The following USP32 variants were observed in gnomAD, a reference collection of about 807,000 sequenced individuals.
USP32 encodes ubiquitin carboxyl-terminal hydrolase 32.
A neutral mutation model predicts 204.8 loss-of-function variants in USP32; 59 were observed. The ratio of observed to expected loss-of-function variants is 0.29; its 90% CI spans 0.23 to 0.36. The LOEUF is 0.36. Among genes scored for constraint, USP32 ranks in the 10% least tolerant of loss-of-function variants. USP32 has a pLI of 1.00. For missense variants in USP32, 1,160 were observed against 1,946.4 expected, an observed-to-expected ratio of 0.60 and a Z score of 7.60; for synonymous variants, 517 against 678.4, an observed-to-expected ratio of 0.76 and a Z score of 3.70.
In USP32 at chr17:60,255,261, G is replaced by A. The variant is rs764061163; in HGVS notation, c.991-3C>T. ...TCTTCCAGAGTAAGATGACCCATCT[G>A]AAACAGAGACACTCATGTTAGGAAC... On this transcript the variant is annotated splice_region_variant and splice_polypyrimidine_tract_variant and intron_variant, in intron 9 of 33. Coordinates refer to ENST00000300896, the MANE Select transcript of USP32 (RefSeq NM_032582.4). 1.3e-6 allele frequency: 2 copies of A among 1,563,330 alleles called. No homozygotes were observed. The highest frequency in any genetic ancestry group is 2.8e-5 in the African/African-American group (2 of 72,348).
chr17:60,191,446 T>G (rs1020680890), intron 28 of USP32, among the ~76,000 whole-genome samples: 149 of 96,504 alleles, frequency 1.5e-3, no homozygotes, highest in Admixed American at 3.7e-3. Flanking sequence ...GTTGCAGAGG[T>G]GGGGTGGGAG....
intron 16 of USP32, among the ~76,000 whole-genome samples, chr17:60,218,385 A>AAAAAAAT (rs1019963070): frequency 1.3e-5 from 2 of 152,104 alleles, no homozygotes; most frequent in African/African-American, 2.4e-5. Flanking sequence ...CTCCATCTCG[A>AAAAAAAT]AAAAAATAAA....
intron 7 of USP32, among the ~76,000 whole-genome samples, chr17:60,268,279 A>G (rs1052043354): frequency 1.3e-5 from 2 of 152,124 alleles, no homozygotes; most frequent in African/African-American, 4.8e-5. Context: ...ACTTTAATGG[A>G]AATGCAGAGC....
chr17:60,354,073 AT>A (rs1462995436), intron 1 of USP32, among the ~76,000 whole-genome samples: 1 of 152,184 alleles, frequency 6.6e-6, no homozygotes. Context: ...AATTAAATCC[AT>A]TTTTGTAAAG....
chr17:60,285,719 C>G (rs544187656), intron 5 of USP32, among the ~76,000 whole-genome samples: 4 of 152,060 alleles, frequency 2.6e-5, no homozygotes, highest in Non-Finnish European at 5.9e-5. Context: ...GAGATAATTT[C>G]TGATAAGAAG....
intron 11 of USP32, among the ~76,000 whole-genome samples, chr17:60,242,881 A>G (rs768956006): frequency 6.6e-6 from 1 of 152,228 alleles, no homozygotes; most frequent in Admixed American, 6.5e-5. Flanking sequence ...GCATTTCCCT[A>G]TACAATTTAG....
intron 22 of USP32, 110 bp from the exon 23 acceptor site, chr17:60,208,938 A>G: frequency 9.1e-7 from 1 of 1,093,774 alleles, no homozygotes; most frequent in South Asian, 2.1e-5. Flanking sequence ...AAAGAATATA[A>G]TCCTTACTCT....
intron 1 of USP32, among the ~76,000 whole-genome samples, chr17:60,386,686 A>C (rs972693874): frequency 3.3e-5 from 5 of 152,204 alleles, no homozygotes; most frequent in African/African-American, 1.2e-4. Context: ...GAGACAATGA[A>C]CAAGGAAAAA....
chr17:60,333,216 C>T (rs1019258514), intron 2 of USP32, among the ~76,000 whole-genome samples: 3 of 152,168 alleles, frequency 2.0e-5, no homozygotes, highest in African/African-American at 7.2e-5. Flanking sequence ...ACAAGCCTTA[C>T]CAAAAACATA....
chr17:60,282,939 C>A (rs1393602732), intron 5 of USP32, among the ~76,000 whole-genome samples: 1 of 152,098 alleles, frequency 6.6e-6, no homozygotes, highest in Non-Finnish European at 1.5e-5. Context: ...AGCCATATTC[C>A]CAAGGGGCTT....
chr17:60,411,101 G>A (rs965736063), intron 1 of USP32, among the ~76,000 whole-genome samples: 1 of 152,086 alleles, frequency 6.6e-6, no homozygotes, highest in African/African-American at 2.4e-5. Flanking sequence ...GGCCGAGGCA[G>A]GCGGATCACC....
rs116948275 is a variant in USP32 at position 60,392,127 on chromosome 17, G to A, written c.-188C>T. On this transcript the variant is annotated 5_prime_UTR_variant, in exon 1 of 34. Transcript: ENST00000300896. Reference sequence around the variant, plus strand: ...GGTCGCCGCCACCGCCTCCATGCCGGATCACGTGACTCTTCCGCCCCGCCC... The same window carrying A: ...GGTCGCCGCCACCGCCTCCATGCCGAATCACGTGACTCTTCCGCCCCGCCC... 0.039 allele frequency: 22,351 copies of A among 577,938 alleles called. 592 individuals carry two copies. Among genetic ancestry groups the A allele is most frequent in the Non-Finnish European group, 0.051 (17,087 of 333,638 alleles). 35.8% of individuals were successfully genotyped at this position (577,938 alleles called of 1,614,324 possible).
chr17:60,326,546 A>C (rs1323945530), intron 2 of USP32, among the ~76,000 whole-genome samples: 1 of 152,002 alleles, frequency 6.6e-6, no homozygotes, highest in Non-Finnish European at 1.5e-5. Context: ...TGATCCACCC[A>C]CCTTGGCCTC....
chr17:60,206,114 C>T (rs1332582188), intron 25 of USP32, among the ~76,000 whole-genome samples: 1 of 150,480 alleles, frequency 6.6e-6, no homozygotes, highest in Non-Finnish European at 1.5e-5. Context: ...AACCCAGGAG[C>T]TAGTGACCAG....
At chr17:60,255,461 C>T (rs1347830422) in intron 9 of USP32, among the ~76,000 whole-genome samples, 1 of 151,978 alleles carries the variant, frequency 6.6e-6, no homozygotes, top group African/African-American at 2.4e-5. Flanking sequence ...CCATGCCTGG[C>T]TAAGTTTTTG....
intron 5 of USP32, among the ~76,000 whole-genome samples, chr17:60,280,548 T>C (rs1191361996): frequency 6.6e-6 from 1 of 152,244 alleles, no homozygotes; most frequent in African/African-American, 2.4e-5. Context: ...TATTTGTGTA[T>C]GAAAAAGTAA....
At chr17:60,222,283 G>C in intron 15 of USP32, 126 bp downstream of exon 15, 1 of 1,100,736 alleles carries the variant, frequency 9.1e-7, no homozygotes, top group South Asian at 1.7e-5. Context: ...ATCCACACAG[G>C]TTCAGAACAC....
intron 2 of USP32, among the ~76,000 whole-genome samples, chr17:60,313,425 A>C (rs530614820): frequency 4.6e-5 from 7 of 152,176 alleles, no homozygotes; most frequent in Admixed American, 2.0e-4. Flanking sequence ...TCATAATACT[A>C]ACCATGTCTT....
intron 2 of USP32, among the ~76,000 whole-genome samples, chr17:60,329,278 G>T (rs867526171): frequency 0.017 from 2,547 of 147,692 alleles, 75 homozygotes; most frequent in African/African-American, 0.058. Flanking sequence ...GTGTGTGTGT[G>T]TTTTTTTTTT....
Sources: gnomAD v4.1 joint callset for allele counts (sites outside exome capture counted in the v4.1 genomes callset) on GRCh38, gnomAD v4.1.1 for gene constraint, MANE v1.5 for transcripts, NCBI Gene and HGNC (gene_info 2026-07-23, HGNC 2026-07-21) for gene names.